The following KIF17 variants were observed in gnomAD, a reference collection of about 807,000 sequenced individuals.
The protein encoded by KIF17 is kinesin-like protein KIF17.
A neutral mutation model predicts 96.8 loss-of-function variants in KIF17; 80 were observed. The observed-to-expected ratio is 0.83, with a 90% confidence interval of 0.69 to 1.00. The LOEUF (loss-of-function observed/expected upper bound fraction) is 1.00, where lower values mean the gene tolerates loss of function less well. Among genes scored for constraint, KIF17 ranks in the 50% least tolerant of loss-of-function variants. The probability of loss-of-function intolerance (pLI) is 0.00; values close to 1 mark genes in which losing one functional copy is unlikely to be tolerated. For synonymous variants in KIF17, 567 were observed against 587.5 expected, an observed-to-expected ratio of 0.97 and a Z score of 0.51; for missense variants, 1,280 against 1,372.9, an observed-to-expected ratio of 0.93 and a Z score of 1.07.
chr1:20,682,943 C>T, intron 10 of KIF17, 59 bp from the exon 11 acceptor site: 1 of 1,476,872 alleles, frequency 6.8e-7, no homozygotes, highest in Non-Finnish European at 9.3e-7. Context: ...GAGCACGTGC[C>T]ATCCAGCAGG....
chr1:20,709,716 A>G lies in KIF17; in HGVS notation c.593T>C (p.Val198Ala). The change falls in exon 4 of 15, where the codon GTC becomes GCC. Residue 198 changes from valine (V) to alanine (A), a missense_variant. Transcript: ENST00000400463. The surrounding 1 kb of genome is among the most constrained non-coding windows in gnomAD (Gnocchi z 4.7). Reference protein sequence around the residue: ...IMETGWKNRSVGYTLMNKDSS... With the variant: ...IMETGWKNRSAGYTLMNKDSS... ...ATCCTTGTTCATCAGCGTGTAGCCG[A>G]CCGAACGGTTCTTCCAGCCAGTCTC... The G allele has an allele frequency of 6.2e-7, 1 of 1,614,048 alleles. No individual in the cohort carries two copies. Among genetic ancestry groups the G allele is most frequent in the African/African-American group, 1.3e-5 (1 of 75,028 alleles).
In KIF17 at chr1:20,687,007, C is replaced by T. The variant is rs1479533464; in HGVS notation, c.1938+381G>A. 3.3e-5 allele frequency among the ~76,000 whole-genome samples: 5 copies of T among 152,284 alleles called. No individual in the cohort carries two copies. In the South Asian group the frequency reaches 1.0e-3, roughly 32 times the overall value. On this transcript the variant is annotated intron_variant, in intron 8 of 14. Coordinates refer to ENST00000400463, the MANE Select transcript of KIF17 (RefSeq NM_001122819.3). The surrounding 1 kb of genome is among the most constrained non-coding windows in gnomAD (Gnocchi z 4.4). ...TCCCACAGACCCCCCACCCAGCTCACTACAGAGCTCACGAGCCAGTGAGCG... is the reference window on the plus strand; with the variant it reads ...TCCCACAGACCCCCCACCCAGCTCATTACAGAGCTCACGAGCCAGTGAGCG...
At chr1:20,691,826 A>G (rs1237597081) in intron 6 of KIF17, among the ~76,000 whole-genome samples, 1 of 152,202 alleles carries the variant, frequency 6.6e-6, no homozygotes, top group Admixed American at 6.5e-5. Flanking sequence ...AATCTATTTT[A>G]TCCACACAGC....
rs2054312333 is a variant in KIF17, at chr1:20,704,769, G to A, written c.801C>T (p.Leu267=). ...CCGAGATGACATTGCCCAGTGCCGA[G>A]AGCGACAGGTTGATCTTGGTGGCCT... The part of the protein sequence containing the change: ...LKEATKINLS[L]SALGNVISAL... The change falls in exon 5 of 15, where the codon CTC becomes CTT. Residue 267 remains leucine, a synonymous_variant. Coordinates refer to ENST00000400463, the MANE Select transcript of KIF17 (RefSeq NM_001122819.3). The surrounding 1 kb of genome is among the most constrained non-coding windows in gnomAD (Gnocchi z 6.8). 3.7e-6 allele frequency: 6 copies of A among 1,611,784 alleles called. No homozygotes were observed. Among genetic ancestry groups the A allele is most frequent in the Non-Finnish European group, 5.1e-6 (6 of 1,179,472 alleles).
chr1:20,682,017 C>T (rs990114942), intron 11 of KIF17, among the ~76,000 whole-genome samples: 1 of 152,156 alleles, frequency 6.6e-6, no homozygotes. Context: ...GGAGTTGTCT[C>T]GCCCTGGTAT....
Position 20,705,610 on chromosome 1 carries a change from G to A in KIF17, c.671-711C>T, listed in dbSNP as rs563522579. Among the ~76,000 whole-genome samples, 11 of 152,292 alleles carry A rather than the reference G, an allele frequency of 7.2e-5. No individual in the cohort carries two copies. In the South Asian group the frequency reaches 1.2e-3, roughly 17 times the overall value. On this transcript the variant is annotated intron_variant, in intron 4 of 14. Transcript: ENST00000400463. ...GAAGACAAAACAGGATGGAGTCTAC[G>A]GTCCCCCATGTCTGTCGCTGAGTCA... is the stretch of plus-strand genomic sequence containing the variant.
Position 20,687,877 on chromosome 1 carries a change from G to GCTGCTGGCAAACTCAGCC in KIF17, c.1431_1448dup (p.Arg477_Ser482dup). ...ACTGAAAAGCAGGCGGGTACTCAGC[G>GCTGCTGGCAAACTCAGCC]CTGCTGGCAAACTCAGCCCTGGACA... is the stretch of plus-strand genomic sequence containing the variant. On this transcript the variant is annotated inframe_insertion, in exon 8 of 15. Coordinates refer to ENST00000400463, the MANE Select transcript of KIF17 (RefSeq NM_001122819.3). This position sits in a 1 kb window ranked among gnomAD's most constrained non-coding sequence, Gnocchi z 4.4. The GCTGCTGGCAAACTCAGCC allele has an allele frequency of 6.2e-7, 1 of 1,613,984 alleles. No homozygotes were observed. Among genetic ancestry groups the GCTGCTGGCAAACTCAGCC allele is most frequent in the Non-Finnish European group, 8.5e-7 (1 of 1,180,032 alleles).
chr1:20,670,376 C>T (rs755415009), intron 13 of KIF17, 45 bp downstream of exon 13: 3 of 1,559,026 alleles, frequency 1.9e-6, no homozygotes, highest in Non-Finnish European at 2.6e-6. Flanking sequence ...GGGGGCAAAG[C>T]CCTCCCAGCC....
chr1:20,692,428 C>T (rs969820674), intron 6 of KIF17, among the ~76,000 whole-genome samples: 55 of 152,116 alleles, frequency 3.6e-4, no homozygotes, highest in African/African-American at 1.2e-3. Context: ...GCAACCTCCA[C>T]TTCCCAGGTT....
Position 20,687,596 on chromosome 1 carries a change from A to G in KIF17, c.1730T>C (p.Leu577Pro). The part of the protein sequence containing the change: ...PTEESRSRYF[L>P]DECLGQEAAG... Reference sequence around the variant, plus strand: ...GGCCTCCTGCCCGAGGCACTCATCCAGGAAGTATCTGCTCCTGGACTCCTC... The same window carrying G: ...GGCCTCCTGCCCGAGGCACTCATCCGGGAAGTATCTGCTCCTGGACTCCTC... The change falls in exon 8 of 15, where the codon CTG (leucine) becomes CCG (proline). Residue 577 changes from leucine to proline, a missense_variant. Physicochemically the swap from Leu to Pro is moderately conservative, Grantham distance 98. Coordinates refer to ENST00000400463, the MANE Select transcript of KIF17 (RefSeq NM_001122819.3). The surrounding 1 kb of genome is among the most constrained non-coding windows in gnomAD (Gnocchi z 4.4). 6.2e-7 allele frequency: 1 copy of G among 1,614,072 alleles called. No individual in the cohort carries two copies. Among genetic ancestry groups the G allele is most frequent in the Non-Finnish European group, 8.5e-7 (1 of 1,179,994 alleles).
At position 20,698,368 on chromosome 1, in the gene KIF17, T is replaced by C. The variant is rs2054178730; in HGVS notation, c.1233+11A>G. The C allele has an allele frequency of 1.9e-6, 3 of 1,603,162 alleles. No individual in the cohort carries two copies. ...GTCCCTTCTCCATGTTCCCACCCGC[T>C]TGGGTCTCACCTCCCGGATCAGCTG... On this transcript the variant is annotated intron_variant, in intron 6 of 14. Coordinates refer to ENST00000400463, the MANE Select transcript of KIF17 (RefSeq NM_001122819.3).
Position 20,703,017 on chromosome 1 carries a change from G to A in KIF17, c.1123+1430C>T, listed in dbSNP as rs1465087394. On this transcript the variant is annotated intron_variant, in intron 5 of 14. Transcript: ENST00000400463. ...AGATGGGTAGGTGAGTGGAAAAATA[G>A]ATAAAAGAATGGATGATAGGATGGA... 2.6e-5 allele frequency among the ~76,000 whole-genome samples: 4 copies of A among 152,182 alleles called. No individual in the cohort carries two copies. The South Asian group carries it at 8.3e-4, about 31-fold the overall frequency.
chr1:20,700,271 A>G lies in KIF17; in HGVS notation c.1124-1783T>C, dbSNP rs1024020981. 6.6e-6 allele frequency among the ~76,000 whole-genome samples: 1 copy of G among 152,110 alleles called. No homozygotes were observed. The highest frequency in any genetic ancestry group is 1.5e-5 in the Non-Finnish European group (1 of 68,028). Reference sequence around the variant, plus strand: ...ATTTTAGTAGAGATGGGGTTTCACTATGTTGGCCAGGCTGGTCTCCAACTC... The same window carrying G: ...ATTTTAGTAGAGATGGGGTTTCACTGTGTTGGCCAGGCTGGTCTCCAACTC... On this transcript the variant is annotated intron_variant, in intron 5 of 14. Transcript: ENST00000400463. This position sits in a 1 kb window ranked among gnomAD's most constrained non-coding sequence, Gnocchi z 4.6.
At chr1:20,681,772 A>T (rs1057025802) in intron 11 of KIF17, among the ~76,000 whole-genome samples, 2 of 151,894 alleles carry the variant, frequency 1.3e-5, no homozygotes, top group Non-Finnish European at 2.9e-5. Context: ...CTCCATCCCA[A>T]TGCTCCTCCT....
chr1:20,692,005 C>T (rs1018430869), intron 6 of KIF17, among the ~76,000 whole-genome samples: 1 of 152,216 alleles, frequency 6.6e-6, no homozygotes, highest in African/African-American at 2.4e-5. Context: ...CTCACTCTGG[C>T]CCCAACCTCT....
chr1:20,675,971 T>C (rs1167171945), intron 11 of KIF17, among the ~76,000 whole-genome samples: 2 of 151,940 alleles, frequency 1.3e-5, no homozygotes, highest in Non-Finnish European at 2.9e-5. Flanking sequence ...ACCCAGGAGA[T>C]GGAGGTTGCA....
intron 11 of KIF17, 57 bp downstream of exon 11, chr1:20,682,596 G>A (rs77555030): frequency 0.014 from 20,230 of 1,471,502 alleles, 164 homozygotes; most frequent in Non-Finnish European, 0.016. Flanking sequence ...TGCCTGGATC[G>A]GGGGGTCTCA....
intron 11 of KIF17, among the ~76,000 whole-genome samples, chr1:20,681,487 C>T (rs894404497): frequency 6.6e-6 from 1 of 151,974 alleles, no homozygotes; most frequent in Non-Finnish European, 1.5e-5. Flanking sequence ...CCACCGCGCC[C>T]AGCCAAAAGA....
chr1:20,662,082 A>G (rs1358084492), downstream of KIF17, among the ~76,000 whole-genome samples: 4 of 152,268 alleles, frequency 2.6e-5, no homozygotes, highest in Non-Finnish European at 4.4e-5. Context: ...CCCTGGCTGT[A>G]AATAGGACTA....
Sources: gnomAD v4.1 joint callset for allele counts (sites outside exome capture counted in the v4.1 genomes callset) on GRCh38, gnomAD v4.1.1 for gene constraint, Gnocchi (gnomAD v3.1) non-coding constraint, MANE v1.5 for transcripts, NCBI Gene and HGNC (gene_info 2026-07-23, HGNC 2026-07-21) for gene names.